Variants in RTTN observed in about 807,000 individuals in gnomAD.
RTTN encodes the protein rotatin.
RTTN carries 182 observed loss-of-function variants against 269.2 expected under a neutral mutation model. That is an observed-to-expected ratio of 0.68 (90% CI 0.60 to 0.76). RTTN has a LOEUF of 0.76. RTTN is among the 30% of genes least tolerant of loss of function. RTTN has a pLI of 0.00. For missense variants in RTTN, 2,545 were observed against 2,608.6 expected (o/e 0.98, Z 0.53); for synonymous variants, 1,006 against 963.5 (o/e 1.04, Z -0.82).
chr18:70,194,904 G>C (rs2061765599), intron 7 of RTTN, among the ~76,000 whole-genome samples: 1 of 152,020 alleles, frequency 6.6e-6, no homozygotes, highest in Non-Finnish European at 1.5e-5. Context: ...TGTTATTAAT[G>C]TCACTATATT....
chr18:70,026,867 T>C (rs999751898), intron 43 of RTTN, among the ~76,000 whole-genome samples: 1 of 152,134 alleles, frequency 6.6e-6, no homozygotes, highest in Non-Finnish European at 1.5e-5. Flanking sequence ...CCCAGACCCA[T>C]AAAATCTACA....
chr18:70,086,720 A>AGGG, intron 31 of RTTN, 36 bp from the exon 32 acceptor site: 1 of 465,620 alleles, frequency 2.1e-6, no homozygotes, highest in Non-Finnish European at 3.5e-6. Context: ...AAAAAAAAAA[A>AGGG]AAAAAAAAAA....
chr18:70,127,656 G>A lies in RTTN; in HGVS notation c.3229C>T (p.His1077Tyr). ...HMASGLQDCL[H>Y]SIVQAATHRE... ...TGGGTTGCAGCCTGAACAATGGAAT[G>A]GAGGCAGTCCTGCAGCCCACTAGCC... The change falls in exon 25 of 49, where the codon CAT becomes TAT. Residue 1077 changes from histidine (H) to tyrosine (Y), a missense_variant. Transcript: ENST00000640769. The A allele has an allele frequency of 6.2e-7, 1 of 1,613,514 alleles. No homozygotes were observed. The highest frequency in any genetic ancestry group is 1.1e-5 in the South Asian group (1 of 91,068).
Position 70,166,062 on chromosome 18 carries a change from C to T in RTTN, c.1929G>A (p.Lys643=), listed in dbSNP as rs1439134874. ...AACATACGAAAAAACAAAACCTCAC[C>T]TTCGTGATTTCCAGACAGCAGTGGT... ...ETYHCCLEIT[K]ECLGVHNVTK... The change falls in exon 14 of 49, where the codon AAG becomes AAA. Residue 643 remains lysine (K), a splice_region_variant and synonymous_variant. Transcript: ENST00000640769. 3.1e-6 allele frequency: 5 copies of T among 1,613,250 alleles called. 1 individual carries two copies. The South Asian group carries it at 5.5e-5, about 18-fold the overall frequency.
At chr18:70,030,759 C>G (rs146607349) in intron 41 of RTTN, 117 bp downstream of exon 41, 1 of 649,368 alleles carries the variant, frequency 1.5e-6, no homozygotes, top group Non-Finnish European at 2.5e-6. Flanking sequence ...TTTAGTGACA[C>G]TGAGATTATA....
rs76048613 is a variant in RTTN, at chr18:70,003,120, T to A, written c.*1031A>T. 0.063 allele frequency: 8,509 copies of A among 134,098 alleles called. 299 individuals are homozygous for A. The highest frequency in any genetic ancestry group is 0.14 in the East Asian group (568 of 4,116). The allele number at this position is 134,098 out of a possible 1,614,324, so 8.3% of individuals were successfully genotyped here. On this transcript the variant is annotated 3_prime_UTR_variant, in exon 49 of 49. Transcript: ENST00000640769. ...GGCATGATCTCAGCTCACTGCAACC[T>A]CCCTGCCTCCCAGGTTGAAGAGATT... is the stretch of plus-strand genomic sequence containing the variant.
rs1346425275 is a variant in RTTN, at chr18:70,184,708, T to TGTGTG, written c.1305+3399_1305+3400insCACAC. 2.4e-3 allele frequency among the ~76,000 whole-genome samples: 138 copies of TGTGTG among 58,556 alleles called. 1 individual carries two copies. The highest frequency in any genetic ancestry group is 9.4e-3 in the African/African-American group (135 of 14,386). 38.4% of individuals were successfully genotyped at this position (58,556 alleles called of 152,430 possible). ...TCCATTCAAAACCACAGCAGGTTTT[T>TGTGTG]TTTTTTTTTGTGTGTGTGTGTGTGT... On this transcript the variant is annotated intron_variant, in intron 10 of 48. Coordinates refer to ENST00000640769, the MANE Select transcript of RTTN (RefSeq NM_173630.4).
Position 70,193,423 on chromosome 18 carries a change from T to G in RTTN, c.872A>C (p.Tyr291Ser). Residue 291 changes from tyrosine to serine, a missense_variant, in exon 8 of 49, where the codon TAT becomes TCT. Transcript: ENST00000640769. Reference protein sequence around the residue: ...DTVSQNSSLSYCHEARGTHHS... With the variant: ...DTVSQNSSLSSCHEARGTHHS... Reference sequence around the variant, plus strand: ...ATGAGTACCTCTTGCTTCATGACAATAAGACAAAGAAGAATTTTGGGAAAC... The same window carrying G: ...ATGAGTACCTCTTGCTTCATGACAAGAAGACAAAGAAGAATTTTGGGAAAC... 1.3e-6 allele frequency: 2 copies of G among 1,552,402 alleles called. No homozygotes were observed. Among genetic ancestry groups the G allele is most frequent in the South Asian group, 2.4e-5 (2 of 83,330 alleles).
chr18:70,078,764 T>C (rs930003919), intron 32 of RTTN, among the ~76,000 whole-genome samples: 1 of 151,974 alleles, frequency 6.6e-6, no homozygotes. Flanking sequence ...AGACTGCAGA[T>C]GAGAATGTAA....
intron 30 of RTTN, 45 bp from the exon 31 acceptor site, chr18:70,088,192 T>G: frequency 4.6e-6 from 7 of 1,535,782 alleles, no homozygotes; most frequent in Non-Finnish European, 6.2e-6. Context: ...TAAGCCTTTT[T>G]CCTAACATGA....
chr18:70,175,720 G>A (rs1189488989), intron 11 of RTTN, among the ~76,000 whole-genome samples: 2 of 151,406 alleles, frequency 1.3e-5, no homozygotes, highest in African/African-American at 4.8e-5. Flanking sequence ...AAATAGGACA[G>A]TCCTCAGAAA....
chr18:70,067,507 G>C (rs2058175065), intron 34 of RTTN, among the ~76,000 whole-genome samples: 3 of 152,158 alleles, frequency 2.0e-5, no homozygotes. Flanking sequence ...GGCAATGAGA[G>C]ATATGTGAAA....
chr18:70,173,359 G>A (rs920245750), intron 11 of RTTN, among the ~76,000 whole-genome samples: 7 of 151,948 alleles, frequency 4.6e-5, no homozygotes, highest in Non-Finnish European at 8.8e-5. Flanking sequence ...CGGGCATGGT[G>A]GGGCACACCT....
chr18:70,009,850 C>T (rs928710041), intron 46 of RTTN, among the ~76,000 whole-genome samples: 5 of 151,810 alleles, frequency 3.3e-5, no homozygotes, highest in African/African-American at 1.2e-4. Context: ...CGTGCAAAGA[C>T]ACACATAGGC....
chr18:70,009,032 C>T (rs1433773604), intron 46 of RTTN: 1 of 152,200 alleles, frequency 6.6e-6, no homozygotes, highest in South Asian at 2.1e-4. Flanking sequence ...GGTTACCCAC[C>T]AAGGGAAGCC....
At chr18:70,140,272 C>A (rs1236045183) in intron 19 of RTTN, 84 bp from the exon 20 acceptor site, 2 of 729,006 alleles carry the variant, frequency 2.7e-6, no homozygotes, top group African/African-American at 1.8e-5. Flanking sequence ...GAACTGATAT[C>A]CACACAACCT....
intron 28 of RTTN, among the ~76,000 whole-genome samples, chr18:70,099,430 G>T (rs1002389303): frequency 1.3e-5 from 2 of 152,076 alleles, no homozygotes; most frequent in African/African-American, 4.8e-5. Context: ...TGATGGAGTT[G>T]TTTTTTTCTT....
rs573429870 is a variant in RTTN at position 70,049,917 on chromosome 18, T to C, written c.5323+1494A>G. 3.9e-5 allele frequency among the ~76,000 whole-genome samples: 6 copies of C among 152,336 alleles called. No homozygotes were observed. In the East Asian group the frequency reaches 1.2e-3, roughly 29 times the overall value. On this transcript the variant is annotated intron_variant, in intron 39 of 48. Coordinates refer to ENST00000640769, the MANE Select transcript of RTTN (RefSeq NM_173630.4). ...ATTTGTATCCTAACTTTCCATGTTA[T>C]CATGTATACCAGATTTTATATATGA...
chr18:70,044,877 AT>A (rs2057450213), intron 40 of RTTN, among the ~76,000 whole-genome samples: 1 of 152,198 alleles, frequency 6.6e-6, no homozygotes, highest in Non-Finnish European at 1.5e-5. Context: ...GACGTTAAGT[AT>A]TGTGTATTTC....
Sources: gnomAD v4.1 joint callset for allele counts (sites outside exome capture counted in the v4.1 genomes callset) on GRCh38, gnomAD v4.1.1 for gene constraint, MANE v1.5 for transcripts, NCBI Gene and HGNC (gene_info 2026-07-23, HGNC 2026-07-21) for gene names.